The following LDB3 variants were observed in gnomAD, a reference collection of about 807,000 sequenced individuals.
The protein encoded by LDB3 is LIM domain binding 3, also known as LIM domain-binding protein 3.
Under a neutral mutation model 69.0 loss-of-function variants are expected in LDB3, and 49 were observed. That is an observed-to-expected ratio of 0.71 (90% CI 0.56 to 0.90). The LOEUF (loss-of-function observed/expected upper bound fraction) is 0.90. Ranked by LOEUF, LDB3 falls within the 40% of genes least tolerant of loss-of-function variation. The pLI is 0.00. For missense variants in LDB3, 928 were observed against 974.1 expected, an observed-to-expected ratio of 0.95 and a Z score of 0.63; for synonymous variants, 387 against 396.2, an observed-to-expected ratio of 0.98 and a Z score of 0.28.
At chr10:86,722,064 C>T (rs1847099212) in intron 12 of LDB3, among the ~76,000 whole-genome samples, 1 of 152,304 alleles carries the variant, frequency 6.6e-6, no homozygotes, top group Non-Finnish European at 1.5e-5. Context: ...GCAATGTTCT[C>T]CTTTTGCAGA....
At chr10:86,706,865 A>T in intron 8 of LDB3, 146 bp downstream of exon 8, 1 of 828,136 alleles carries the variant, frequency 1.2e-6, no homozygotes, top group South Asian at 1.8e-5. Context: ...CTTGGTGCAG[A>T]GTGTGAAGGG....
chr10:86,693,209 G>C (rs965082109), intron 7 of LDB3, among the ~76,000 whole-genome samples: 1 of 152,034 alleles, frequency 6.6e-6, no homozygotes, highest in African/African-American at 2.4e-5. Context: ...TGGCCCGTCA[G>C]GTGCTCATAG....
At chr10:86,668,380 C>G, upstream of LDB3, 1 of 454,880 alleles carries the variant, frequency 2.2e-6, no homozygotes, top group Non-Finnish European at 4.1e-6. Flanking sequence ...TCCCCAGGGG[C>G]TATATTAGCC....
At chr10:86,708,208 G>T (rs1846515363) in intron 8 of LDB3, among the ~76,000 whole-genome samples, 1 of 152,238 alleles carries the variant, frequency 6.6e-6, no homozygotes, top group Non-Finnish European at 1.5e-5. Flanking sequence ...CAGGAGAGCT[G>T]GGACCTGGGT....
At chr10:86,673,798 C>T (rs1844618725) in intron 2 of LDB3, among the ~76,000 whole-genome samples, 1 of 152,232 alleles carries the variant, frequency 6.6e-6, no homozygotes, top group African/African-American at 2.4e-5. Flanking sequence ...CACATCTACA[C>T]TGGCACATCT....
Position 86,688,089 on chromosome 10 carries a change from G to GTGTGTGTA in LDB3, c.690-3806_690-3805insGTGTGTAT, listed in dbSNP as rs1410039579. On this transcript the variant is annotated intron_variant, in intron 5 of 13. Transcript: ENST00000361373. Reference sequence around the variant, plus strand: ...TGTGTGTGTGTGTGTGTGTGTATGTGTCTGTCTATCTGTTGTTTCTTTTTT... The same window carrying GTGTGTGTA: ...TGTGTGTGTGTGTGTGTGTGTATGTGTGTGTGTATCTGTCTATCTGTTGTTTCTTTTTT... Among the ~76,000 whole-genome samples, 329 of 131,094 alleles carry GTGTGTGTA rather than the reference G, an allele frequency of 2.5e-3. 2 individuals are homozygous for GTGTGTGTA. Among genetic ancestry groups the GTGTGTGTA allele is most frequent in the Middle Eastern group, 7.9e-3 (2 of 254 alleles). The allele number at this position is 131,094 out of a possible 152,430, so 86.0% of individuals were successfully genotyped here. A position where few individuals can be genotyped will look rare whatever the true frequency, so the allele number is the denominator to read the frequency against.
intron 5 of LDB3, among the ~76,000 whole-genome samples, chr10:86,690,267 C>T (rs1311417118): frequency 6.6e-6 from 1 of 152,176 alleles, no homozygotes; most frequent in Non-Finnish European, 1.5e-5. Context: ...GAGCCAGGAC[C>T]AGGGAGACCT....
intron 12 of LDB3, among the ~76,000 whole-genome samples, chr10:86,719,110 TGGATCTGGTTAG>T (rs1296408585): frequency 6.6e-6 from 1 of 152,186 alleles, no homozygotes; most frequent in Non-Finnish European, 1.5e-5. Flanking sequence ...ATCAAATATG[TGGATCTGGTTAG>T]GTGAGGTGGC....
chr10:86,683,469 G>C (rs1246919957), intron 5 of LDB3, among the ~76,000 whole-genome samples: 1 of 152,232 alleles, frequency 6.6e-6, no homozygotes, highest in Non-Finnish European at 1.5e-5. Flanking sequence ...TTGAGACAGG[G>C]ACTTGCTGCC....
chr10:86,717,893 TG>T (rs1410777464), intron 10 of LDB3, 70 bp from the exon 11 acceptor site: 6 of 1,396,908 alleles, frequency 4.3e-6, no homozygotes, highest in Non-Finnish European at 6.0e-6. Flanking sequence ...TAAACAGTGT[TG>T]GGGTTCTTCA....
chr10:86,699,912 G>T lies in LDB3; in HGVS notation c.897-6619G>T. 1 of 1,006,258 alleles carries T rather than the reference G, an allele frequency of 9.9e-7. No individual in the cohort carries two copies. Among genetic ancestry groups the T allele is most frequent in the Non-Finnish European group, 1.2e-6 (1 of 841,586 alleles). The allele number at this position is 1,006,258 out of a possible 1,614,324, so 62.3% of individuals were successfully genotyped here. A position where few individuals can be genotyped will look rare whatever the true frequency, so the allele number is the denominator to read the frequency against. On this transcript the variant is annotated intron_variant, in intron 7 of 13. Transcript: ENST00000361373. The surrounding 1 kb of genome is among the most constrained non-coding windows in gnomAD (Gnocchi z 4.9). ...GGAAGTAGAAGCCCCAGGGTAATGA[G>T]GCAGAGACCCCTCCTGGCAGTGGTG...
chr10:86,706,778 C>T (rs1346587738), intron 8 of LDB3, 59 bp downstream of exon 8: 12 of 1,534,942 alleles, frequency 7.8e-6, no homozygotes, highest in Middle Eastern at 2.3e-4. Context: ...AAACGCCCCA[C>T]TCTGGGTCTA....
At chr10:86,705,227 G>A (rs1484798446) in intron 7 of LDB3, among the ~76,000 whole-genome samples, 4 of 152,112 alleles carry the variant, frequency 2.6e-5, no homozygotes, top group African/African-American at 9.7e-5. Flanking sequence ...ATAAGTTGTA[G>A]GACCTTGAGC....
intron 5 of LDB3, among the ~76,000 whole-genome samples, chr10:86,684,794 A>G (rs1053736884): frequency 2.6e-5 from 4 of 152,318 alleles, no homozygotes; most frequent in African/African-American, 9.6e-5. Context: ...CCCACCTTCC[A>G]CACTGTCTCC....
intron 13 of LDB3, among the ~76,000 whole-genome samples, chr10:86,727,017 A>ATTTTT (rs35394356): frequency 7.2e-6 from 1 of 138,128 alleles, no homozygotes; most frequent in Non-Finnish European, 1.6e-5. Context: ...CGATTTGAGA[A>ATTTTT]TTTTTTTTTT....
chr10:86,722,406 T>A (rs916590434), intron 12 of LDB3, among the ~76,000 whole-genome samples: 4 of 151,210 alleles, frequency 2.6e-5, no homozygotes, highest in South Asian at 4.2e-4. Context: ...GACTACAGGC[T>A]CCCACCACTG....
At chr10:86,670,402 T>C (rs4492716) in intron 2 of LDB3, among the ~76,000 whole-genome samples, 90,743 of 152,014 alleles carry the variant, frequency 0.6, 27,933 homozygotes, top group East Asian at 0.77. Flanking sequence ...GGAGCCTCTG[T>C]GTGCTCTCTC....
intron 8 of LDB3, among the ~76,000 whole-genome samples, chr10:86,709,605 C>T (rs1055600155): frequency 6.6e-5 from 10 of 152,320 alleles, no homozygotes; most frequent in Admixed American, 5.9e-4. Flanking sequence ...CCTACCTATG[C>T]GCTCTTCCAC....
At position 86,716,637 on chromosome 10, in the gene LDB3, G is replaced by A; in HGVS notation, c.1542G>A (p.Leu514=). 1 of 1,613,702 alleles carries A rather than the reference G, an allele frequency of 6.2e-7. No individual in the cohort carries two copies. The highest frequency in any genetic ancestry group is 8.5e-7 in the Non-Finnish European group (1 of 1,179,896). ...KSTTSISKQT[L]PRGGPAYTPA... ...CCACCTCCATCAGCAAGCAGACCCT[G>A]CCCCGGGGAGGCCCAGCCTACACCC... The change falls in exon 10 of 14, where the codon CTG becomes CTA. Residue 514 remains leucine, a synonymous_variant. Coordinates refer to ENST00000361373, the MANE Select transcript of LDB3 (RefSeq NM_007078.3).
Sources: allele counts gnomAD v4.1 joint callset (sites outside exome capture counted in the v4.1 genomes callset), GRCh38; gene constraint gnomAD v4.1.1; non-coding constraint Gnocchi (gnomAD v3.1); transcripts MANE v1.5; gene names NCBI Gene and HGNC (gene_info 2026-07-23, HGNC 2026-07-21).